The following ARAP2 variants were observed in gnomAD, a reference collection of about 807,000 sequenced individuals.
ARAP2 encodes the protein ArfGAP with RhoGAP domain, ankyrin repeat and PH domain 2.
A neutral mutation model predicts 194.5 loss-of-function variants in ARAP2; 148 were observed. The ratio of observed to expected loss-of-function variants is 0.76; its 90% confidence interval spans 0.67 to 0.87. The LOEUF is 0.87. ARAP2 is among the 40% of genes least tolerant of loss of function. The probability of loss-of-function intolerance (pLI) is 0.00; values close to 1 mark genes in which losing one functional copy is unlikely to be tolerated. For synonymous variants in ARAP2, 695 were observed against 683.5 expected, an observed-to-expected ratio of 1.02 and a Z score of -0.26; for missense variants, 2,128 against 1,989.7, an observed-to-expected ratio of 1.07 and a Z score of -1.32.
At chr4:36,116,595 A>C in intron 25 of ARAP2, among the ~76,000 whole-genome samples, 1 of 151,900 alleles carries the variant, frequency 6.6e-6, no homozygotes, top group Admixed American at 6.6e-5. Context: ...AGAGATTATT[A>C]TTAATTATAA....
rs550451122 is a variant in ARAP2, at chr4:36,111,338, T to C, written c.4156+2832A>G. 3.3e-5 allele frequency among the ~76,000 whole-genome samples: 5 copies of C among 152,076 alleles called. No individual in the cohort carries two copies. In the East Asian group the frequency reaches 9.8e-4, roughly 30 times the overall value. ...TAGATATAAAGCCTTCAACATGTGG[T>C]ACACACATGTTCCACTGGCTTCAGT... On this transcript the variant is annotated intron_variant, in intron 26 of 32. Transcript: ENST00000303965.
intron 10 of ARAP2, among the ~76,000 whole-genome samples, chr4:36,165,350 C>T (rs993265256): frequency 6.6e-6 from 1 of 152,136 alleles, no homozygotes; most frequent in Admixed American, 6.6e-5. Flanking sequence ...TTAACATACA[C>T]ATTTTCTAAA....
intron 11 of ARAP2, among the ~76,000 whole-genome samples, chr4:36,164,555 T>C (rs1734832188): frequency 6.6e-6 from 1 of 152,182 alleles, no homozygotes; most frequent in South Asian, 2.1e-4. Context: ...AAAATATGTC[T>C]TACCAAAAAT....
intron 9 of ARAP2, 123 bp from the exon 10 acceptor site, chr4:36,167,170 AG>A (rs1173636640): frequency 1.6e-6 from 1 of 617,144 alleles, no homozygotes; most frequent in East Asian, 2.9e-5. Flanking sequence ...GTCTCACTTT[AG>A]GTAGCCACTC....
At chr4:36,230,182 C>G (rs1012512308) in intron 1 of ARAP2, among the ~76,000 whole-genome samples, 4 of 152,088 alleles carry the variant, frequency 2.6e-5, no homozygotes, top group East Asian at 1.9e-4. Flanking sequence ...TAATAAATAG[C>G]CAAGTCAAGC....
chr4:36,117,825 G>T (rs1259871938), intron 24 of ARAP2, among the ~76,000 whole-genome samples: 6 of 151,514 alleles, frequency 4.0e-5, no homozygotes, highest in Admixed American at 1.3e-4. Context: ...TGAAGAAGAT[G>T]CAAGCCTGAA....
At chr4:36,220,210 T>C (rs1748839628) in intron 2 of ARAP2, among the ~76,000 whole-genome samples, 1 of 151,836 alleles carries the variant, frequency 6.6e-6, no homozygotes, top group African/African-American at 2.4e-5. Context: ...AGGTCTCAGA[T>C]TTTTACATAT....
intron 3 of ARAP2, chr4:36,047,176 G>A (rs1042897892): frequency 6.6e-6 from 1 of 152,226 alleles, no homozygotes; most frequent in African/African-American, 2.4e-5. Flanking sequence ...CAGATTAGCA[G>A]GTGGAGACCA....
chr4:36,222,023 T>C (rs1445070166), intron 2 of ARAP2, among the ~76,000 whole-genome samples: 3 of 152,158 alleles, frequency 2.0e-5, no homozygotes, highest in Non-Finnish European at 4.4e-5. Flanking sequence ...TCTACTATTT[T>C]ACCAGTTATC....
At chr4:36,052,549 T>C (rs968731683) in intron 2 of ARAP2, among the ~76,000 whole-genome samples, 1 of 152,258 alleles carries the variant, frequency 6.6e-6, no homozygotes, top group Non-Finnish European at 1.5e-5. Flanking sequence ...GAATAAATTA[T>C]ATGCACTTCT....
intron 20 of ARAP2, among the ~76,000 whole-genome samples, chr4:36,129,821 T>G (rs1724959711): frequency 6.7e-6 from 1 of 148,482 alleles, no homozygotes; most frequent in African/African-American, 2.4e-5. Context: ...TATATACACA[T>G]ACCATTACAT....
chr4:36,095,383 T>C (rs1489595564), intron 27 of ARAP2, among the ~76,000 whole-genome samples: 4 of 152,196 alleles, frequency 2.6e-5, no homozygotes, highest in Non-Finnish European at 5.9e-5. Flanking sequence ...ATTTTTGATC[T>C]GGTTTTACAA....
At chr4:36,195,032 A>G (rs1742774958) in intron 6 of ARAP2, among the ~76,000 whole-genome samples, 1 of 151,854 alleles carries the variant, frequency 6.6e-6, no homozygotes. Context: ...CAGGCATGGT[A>G]GCGCACAACT....
intron 9 of ARAP2, among the ~76,000 whole-genome samples, chr4:36,169,353 A>G (rs1187414473): frequency 6.6e-6 from 1 of 152,156 alleles, no homozygotes; most frequent in African/African-American, 2.4e-5. Flanking sequence ...AGCAGATGGT[A>G]AGAATGACAA....
intron 26 of ARAP2, among the ~76,000 whole-genome samples, chr4:36,111,567 T>C (rs1177777778): frequency 6.6e-6 from 1 of 151,952 alleles, no homozygotes; most frequent in Non-Finnish European, 1.5e-5. Flanking sequence ...AATCAAAACT[T>C]GATGACTCCT....
intron 6 of ARAP2, among the ~76,000 whole-genome samples, chr4:36,196,391 C>T (rs1743119839): frequency 1.3e-5 from 2 of 152,162 alleles, no homozygotes; most frequent in East Asian, 3.9e-4. Context: ...CTACAACTCC[C>T]CTCTCAGGCG....
At chr4:36,203,504 A>C (rs921250556) in intron 6 of ARAP2, among the ~76,000 whole-genome samples, 1 of 152,116 alleles carries the variant, frequency 6.6e-6, no homozygotes, top group Non-Finnish European at 1.5e-5. Flanking sequence ...GAATTGCTTG[A>C]ACCTGGGAGG....
chr4:36,227,243 T>C lies in ARAP2; in HGVS notation c.905+1339A>G, dbSNP rs1319179598. Among the ~76,000 whole-genome samples the C allele has an allele frequency of 2.6e-5, 4 of 152,158 alleles. No homozygotes were observed. The South Asian group carries it at 6.2e-4, about 24-fold the overall frequency. ...GAACATTACCTACTCCATGTTCACA[T>C]GGAGTAGGAGTGGCCCTTATATTAG... On this transcript the variant is annotated intron_variant, in intron 2 of 32. Transcript: ENST00000303965.
intron 27 of ARAP2, among the ~76,000 whole-genome samples, chr4:36,099,540 C>T (rs1226051343): frequency 6.6e-6 from 1 of 152,104 alleles, no homozygotes; most frequent in Non-Finnish European, 1.5e-5. Flanking sequence ...CTTTACTCCT[C>T]TGAGCCTTCC....
Sources: gnomAD v4.1 joint callset for allele counts (sites outside exome capture counted in the v4.1 genomes callset) on GRCh38, gnomAD v4.1.1 for gene constraint, MANE v1.5 for transcripts, NCBI Gene and HGNC (gene_info 2026-07-23, HGNC 2026-07-21) for gene names.